Variants in UBR4 observed in about 807,000 individuals in gnomAD.
UBR4 encodes the protein ubiquitin protein ligase E3 component n-recognin 4.
UBR4 carries 124 observed loss-of-function variants against 575.6 expected under a neutral mutation model. That is an observed-to-expected ratio of 0.22 (90% confidence interval 0.19 to 0.25). The LOEUF (loss-of-function observed/expected upper bound fraction) is 0.25, where lower values mean the gene tolerates loss of function less well. Among genes scored for constraint, UBR4 ranks in the 10% least tolerant of loss-of-function variants. The pLI is 1.00. For synonymous variants in UBR4, 2,455 were observed against 2,473.7 expected (o/e 0.99, Z 0.22); for missense variants, 4,818 against 6,478.8 (o/e 0.74, Z 8.80).
At position 19,124,558 on chromosome 1, in the gene UBR4, A is replaced by C; in HGVS notation, c.9571T>G (p.Phe3191Val). The C allele has an allele frequency of 5.0e-6, 8 of 1,614,206 alleles. No individual in the cohort carries two copies. The highest frequency in any genetic ancestry group is 5.9e-6 in the Non-Finnish European group (7 of 1,180,016). ...TCACTTACCTCGGAGAGAAAGTAAA[A>C]CCACGAGTGGTCAAAGACAGGAGGT... is the stretch of plus-strand genomic sequence containing the variant. Reference protein sequence around the residue: ...IPPPVFDHSWFYFLSEYLMIQ... With the variant: ...IPPPVFDHSWVYFLSEYLMIQ... The change falls in exon 65 of 106, where the codon TTT becomes GTT. Residue 3191 changes from phenylalanine to valine, a missense_variant. This residue lies in a region of UBR4 where 550 missense variants were observed against 791.5 expected (regional missense o/e 0.69). Coordinates refer to ENST00000375254, the MANE Select transcript of UBR4 (RefSeq NM_020765.3).
rs947265740 is a variant in UBR4, at chr1:19,074,660, C to T, written c.*172G>A. 11 of 703,178 alleles carry T rather than the reference C, an allele frequency of 1.6e-5. No homozygotes were observed. Among genetic ancestry groups the T allele is most frequent in the East Asian group, 2.7e-5 (1 of 36,398 alleles). 43.6% of individuals were successfully genotyped at this position (703,178 alleles called of 1,614,324 possible). On this transcript the variant is annotated 3_prime_UTR_variant, in exon 106 of 106. Transcript: ENST00000375254. ...CCTCATAGCTGGTGCACCACACACA[C>T]GAGATAAAACAGGAAGCCTAAAAAC...
In UBR4 at chr1:19,187,275, T is replaced by C. The variant is rs1171326677; in HGVS notation, c.1521A>G (p.Ala507=). 1.9e-6 allele frequency: 3 copies of C among 1,613,658 alleles called. No individual in the cohort carries two copies. The African/African-American group carries it at 4.0e-5, about 22-fold the overall frequency. ...HKGWETDGPP[A]ALSIMAQSTS... The stretch of plus-strand genomic sequence containing the variant: ...TGCTCTGGGCCATAATGCTCAAGGC[T>C]GCAGGGGGGCCATCTGTCTCCCAAC... Residue 507 remains alanine, a synonymous_variant, in exon 13 of 106, where the codon GCA becomes GCG. Coordinates refer to ENST00000375254, the MANE Select transcript of UBR4 (RefSeq NM_020765.3).
At position 19,153,526 on chromosome 1, in the gene UBR4, G is replaced by A. The variant is rs755323043; in HGVS notation, c.6631-24C>T. 6.2e-7 allele frequency: 1 copy of A among 1,612,172 alleles called. No homozygotes were observed. Among genetic ancestry groups the A allele is most frequent in the East Asian group, 2.2e-5 (1 of 44,870 alleles). On this transcript the variant is annotated intron_variant, in intron 45 of 105. Coordinates refer to ENST00000375254, the MANE Select transcript of UBR4 (RefSeq NM_020765.3). This position sits in a 1 kb window ranked among gnomAD's most constrained non-coding sequence, Gnocchi z 4.1. The stretch of plus-strand genomic sequence containing the variant: ...ATCTAGGAGGAGAGGACAAAGGAGG[G>A]TCTTCGTTCCCACACCCACAGATCA...
At chr1:19,149,130 A>AT (rs2085298355) in intron 49 of UBR4, among the ~76,000 whole-genome samples, 1 of 152,236 alleles carries the variant, frequency 6.6e-6, no homozygotes, top group South Asian at 2.1e-4. Flanking sequence ...GTGCATGCCA[A>AT]TTGCCAACAT....
chr1:19,086,387 C>T, intron 100 of UBR4, 117 bp from the exon 101 acceptor site: 4 of 1,352,560 alleles, frequency 3.0e-6, no homozygotes, highest in Non-Finnish European at 4.0e-6. Flanking sequence ...AGTCAGTCGG[C>T]CCAGGCTCCT....
At position 19,101,860 on chromosome 1, in the gene UBR4, A is replaced by G. The variant is rs1437364946; in HGVS notation, c.12902-219T>C. Among the ~76,000 whole-genome samples, 3 of 152,206 alleles carry G rather than the reference A, an allele frequency of 2.0e-5. No individual in the cohort carries two copies. In the East Asian group the frequency reaches 5.8e-4, roughly 29 times the overall value. ...TGAAACCCATAACACCCAAGTCCAC[A>G]CACTTCATCATGGTTGGCTGTGTAC... On this transcript the variant is annotated intron_variant, in intron 87 of 105. Transcript: ENST00000375254.
In UBR4 at chr1:19,129,027, A is replaced by T. The variant is rs1467940541; in HGVS notation, c.8954T>A (p.Leu2985Gln). ...ACCGCCAACGTTTCGTAATTGAGGC[A>T]GGGTCTGCAGTAATCTCTCCAACAG... ...LMLLERLLQT[L>Q]PQLRNVGGVR... is the part of the protein sequence containing the mutation. The change falls in exon 61 of 106, where the codon CTG (leucine) becomes CAG (glutamine). Residue 2985 changes from leucine (L) to glutamine (Q), a missense_variant. Transcript: ENST00000375254. 1.2e-6 allele frequency: 2 copies of T among 1,614,128 alleles called. No homozygotes were observed. The highest frequency in any genetic ancestry group is 3.3e-5 in the Admixed American group (2 of 60,018).
Position 19,129,084 on chromosome 1 carries a change from TG to T in UBR4, c.8907-11del. The T allele has an allele frequency of 6.2e-7, 1 of 1,611,864 alleles. No homozygotes were observed. Among genetic ancestry groups the T allele is most frequent in the Non-Finnish European group, 8.5e-7 (1 of 1,178,600 alleles). ...ACGGACCATGTGCAGCCTAAAAGGG[TG>T]GGGAAAAGATAGAAAATATGAGCTG... On this transcript the variant is annotated splice_polypyrimidine_tract_variant and intron_variant, in intron 60 of 105. Transcript: ENST00000375254.
At position 19,100,611 on chromosome 1, in the gene UBR4, C is replaced by T; in HGVS notation, c.13024-38G>A. 3.7e-6 allele frequency: 6 copies of T among 1,600,732 alleles called. No homozygotes were observed. Among genetic ancestry groups the T allele is most frequent in the Non-Finnish European group, 5.1e-6 (6 of 1,168,566 alleles). On this transcript the variant is annotated intron_variant, in intron 88 of 105. Transcript: ENST00000375254. This position sits in a 1 kb window ranked among gnomAD's most constrained non-coding sequence, Gnocchi z 4.2. ...CAGAAGGGTGCATCAGAAGGGATGG[C>T]AGAGGTGGAGATTTATACCATGCTA...
rs912273521 is a variant in UBR4, at chr1:19,089,512, A to G, written c.14212-535T>C. ...GACTACAAGCAGGTATGGACATGAAAAACTTTAACAACAAAAAAGATATTA... is the reference window on the plus strand; with the variant it reads ...GACTACAAGCAGGTATGGACATGAAGAACTTTAACAACAAAAAAGATATTA... On this transcript the variant is annotated intron_variant, in intron 97 of 105. Coordinates refer to ENST00000375254, the MANE Select transcript of UBR4 (RefSeq NM_020765.3). The surrounding 1 kb of genome is among the most constrained non-coding windows in gnomAD (Gnocchi z 4.3). Among the ~76,000 whole-genome samples, 2 of 152,230 alleles carry G rather than the reference A, an allele frequency of 1.3e-5. No individual in the cohort carries two copies. Among genetic ancestry groups the G allele is most frequent in the Non-Finnish European group, 2.9e-5 (2 of 68,036 alleles).
At chr1:19,096,787 A>T in intron 91 of UBR4, 137 bp from the exon 92 acceptor site, 8 of 1,276,934 alleles carry the variant, frequency 6.3e-6, no homozygotes, top group Non-Finnish European at 8.6e-6. Context: ...CACGGCCAAT[A>T]AAAGGGGTCA....
At chr1:19,096,449 C>T in intron 92 of UBR4, 74 bp downstream of exon 92, 1 of 1,563,524 alleles carries the variant, frequency 6.4e-7, no homozygotes, top group Non-Finnish European at 8.7e-7. Flanking sequence ...GACACAGTGG[C>T]CATAGCTTCT....
At chr1:19,143,259 G>GAAGGAAGAAAGAAAGAAAGA (rs1444831970) in intron 55 of UBR4, among the ~76,000 whole-genome samples, 7 of 91,616 alleles carry the variant, frequency 7.6e-5, no homozygotes, top group Admixed American at 2.2e-4. Flanking sequence ...AGGAAGGAAG[G>GAAGGAAGAAAGAAAGAAAGA]AAGAAAGAAA....
chr1:19,164,011 A>G (rs1056922869), intron 33 of UBR4, among the ~76,000 whole-genome samples, 184 bp from the exon 34 acceptor site: 3 of 152,202 alleles, frequency 2.0e-5, no homozygotes, highest in Admixed American at 6.5e-5. Context: ...TAGAATTATC[A>G]TTAACACTTG....
At chr1:19,095,975 G>T (rs2077998198) in intron 92 of UBR4, 2 of 262,318 alleles carry the variant, frequency 7.6e-6, no homozygotes, top group African/African-American at 2.3e-5. Context: ...TAAACTAATA[G>T]TAAAGAAAAT....
intron 101 of UBR4, among the ~76,000 whole-genome samples, chr1:19,084,907 C>T (rs1428641472): frequency 2.0e-5 from 3 of 152,168 alleles, no homozygotes; most frequent in East Asian, 1.9e-4. Context: ...AGTGACTGAA[C>T]GTGACACTCG....
chr1:19,200,924 G>T (rs2092713566), intron 2 of UBR4, among the ~76,000 whole-genome samples: 1 of 152,202 alleles, frequency 6.6e-6, no homozygotes, highest in Non-Finnish European at 1.5e-5. Context: ...TGGGAGGACT[G>T]CTTGAGCCCA....
chr1:19,143,259 GAAGA>G (rs200550539), intron 55 of UBR4, among the ~76,000 whole-genome samples: 4,799 of 90,558 alleles, frequency 0.053, 152 homozygotes, highest in Middle Eastern at 0.073. Flanking sequence ...AGGAAGGAAG[GAAGA>G]AAGAAAGAAA....
chr1:19,145,753 A>C (rs2084777888), intron 53 of UBR4, 40 bp downstream of exon 53: 1 of 1,602,866 alleles, frequency 6.2e-7, no homozygotes, highest in African/African-American at 1.3e-5. Context: ...AACTTACATC[A>C]GGCTTCATTA....
Sources: allele counts gnomAD v4.1 joint callset (sites outside exome capture counted in the v4.1 genomes callset), GRCh38; gene constraint gnomAD v4.1.1; regional missense constraint gnomAD v4.1.1; non-coding constraint Gnocchi (gnomAD v3.1); transcripts MANE v1.5; gene names NCBI Gene and HGNC (gene_info 2026-07-23, HGNC 2026-07-21).